Variants in ANK3 observed in about 807,000 individuals in gnomAD.
ANK3 encodes the protein ankyrin-3.
A neutral mutation model predicts 370.9 loss-of-function variants in ANK3; 57 were observed. That is an observed-to-expected ratio of 0.15 (90% CI 0.12 to 0.19). The LOEUF (loss-of-function observed/expected upper bound fraction) is 0.19, where lower values mean the gene tolerates loss of function less well. Ranked by LOEUF, ANK3 falls within the 10% of genes least tolerant of loss-of-function variation. The pLI is 1.00. For missense variants in ANK3, 4,439 were observed against 5,302.1 expected, an observed-to-expected ratio of 0.84 and a Z score of 5.06; for synonymous variants, 1,929 against 1,946.3, an observed-to-expected ratio of 0.99 and a Z score of 0.23.
At chr10:60,045,988 G>A (rs1226553049) in intron 42 of ANK3, among the ~76,000 whole-genome samples, 1 of 151,982 alleles carries the variant, frequency 6.6e-6, no homozygotes, top group Non-Finnish European at 1.5e-5. Flanking sequence ...ATGACAATGG[G>A]CGGGACATTT....
In ANK3 at chr10:60,074,214, C is replaced by T. The variant is rs761206620; in HGVS notation, c.6667G>A (p.Ala2223Thr). The T allele has an allele frequency of 1.3e-5, 21 of 1,614,014 alleles. No homozygotes were observed. The highest frequency in any genetic ancestry group is 9.9e-5 in the South Asian group (9 of 91,090). Residue 2223 changes from alanine to threonine, a missense_variant, in exon 37 of 44, where the codon GCC (alanine) becomes ACC (threonine). By Grantham distance (58) the Ala-to-Thr change is moderately conservative. Transcript: ENST00000280772. The part of the protein sequence containing the change: ...KEKVKAFQMK[A>T]SSEEDDHNRV... ...TTGTGGTCATCTTCTTCACTACTGG[C>T]TTTCATTTGAAATGCTTTAACCTTT...
chr10:60,110,911 G>A (rs12049756), intron 26 of ANK3, among the ~76,000 whole-genome samples: 29,454 of 152,124 alleles, frequency 0.19, 3,353 homozygotes, highest in East Asian at 0.52. Context: ...AGAGGGGAAT[G>A]TTTGCCCTGG....
chr10:60,178,914 AAAAGGGGGGTGGGGTAT>A (rs1163923985), intron 18 of ANK3, among the ~76,000 whole-genome samples: 1 of 151,358 alleles, frequency 6.6e-6, no homozygotes, highest in African/African-American at 2.4e-5. Flanking sequence ...CTTCAAATGC[AAAAGGGGGGTGGGGTAT>A]AAAGGGTCAG....
chr10:60,591,311 A>ATTTG (rs780246839), intron 2 of ANK3, among the ~76,000 whole-genome samples: 1 of 43,970 alleles, frequency 2.3e-5, no homozygotes, highest in Non-Finnish European at 6.0e-5. Flanking sequence ...TATTTTATTT[A>ATTTG]TTTATTTATT....
chr10:60,399,817 G>A (rs1047217836), intron 2 of ANK3, among the ~76,000 whole-genome samples: 5 of 152,262 alleles, frequency 3.3e-5, no homozygotes, highest in Admixed American at 6.5e-5. Flanking sequence ...TGGTGATATC[G>A]CAACACTTTG....
At chr10:60,649,314 A>AT (rs1588971203) in intron 1 of ANK3, among the ~76,000 whole-genome samples, 1 of 151,874 alleles carries the variant, frequency 6.6e-6, no homozygotes, top group Non-Finnish European at 1.5e-5. Flanking sequence ...ATCAAAAAAA[A>AT]ATACTTTTTA....
At position 60,592,133 on chromosome 10, in the gene ANK3, T is replaced by A. The variant is rs190689547; in HGVS notation, c.96+23053A>T. Among the ~76,000 whole-genome samples, 613 of 152,330 alleles carry A rather than the reference T, an allele frequency of 4.0e-3. 5 individuals are homozygous for A. The highest frequency in any genetic ancestry group is 0.014 in the African/African-American group (562 of 41,566). ...GCTTGAGGGGATGGATACACCATTC[T>A]CCATGATGGGCTTATTTCACATTGA... On this transcript the variant is annotated intron_variant, in intron 2 of 43. Transcript: ENST00000373827.
At chr10:60,254,310 C>T (rs1317179016) in intron 7 of ANK3, among the ~76,000 whole-genome samples, 3 of 151,636 alleles carry the variant, frequency 2.0e-5, no homozygotes, top group South Asian at 2.1e-4. Flanking sequence ...TGTGGAGAGC[C>T]GTTAGTATTT....
intron 11 of ANK3, among the ~76,000 whole-genome samples, chr10:60,203,305 T>C (rs7078609): frequency 0.2 from 29,883 of 152,150 alleles, 3,203 homozygotes; most frequent in African/African-American, 0.27. Context: ...GCAAATTCTG[T>C]TACTATGAAA....
In ANK3 at chr10:60,466,757, A is replaced by G. The variant is rs918321285; in HGVS notation, c.96+148429T>C. ...AAAGAATGAAATACTGATGCATGCTACAACATAGATGAACCTTGAAAACAT... is the reference window on the plus strand; with the variant it reads ...AAAGAATGAAATACTGATGCATGCTGCAACATAGATGAACCTTGAAAACAT... On this transcript the variant is annotated intron_variant, in intron 2 of 43. Coordinates refer to the ANK3 transcript ENST00000373827. 5.9e-5 allele frequency among the ~76,000 whole-genome samples: 9 copies of G among 152,334 alleles called. No individual in the cohort carries two copies. In the South Asian group the frequency reaches 6.2e-4, roughly 11 times the overall value.
At chr10:60,065,660 G>C (rs982916969) in intron 38 of ANK3, among the ~76,000 whole-genome samples, 3 of 152,182 alleles carry the variant, frequency 2.0e-5, no homozygotes, top group Admixed American at 1.3e-4. Flanking sequence ...AACAACTGTT[G>C]TGATCATGGC....
At chr10:60,495,981 CT>C (rs68150962) in intron 2 of ANK3, among the ~76,000 whole-genome samples, 19,499 of 147,512 alleles carry the variant, frequency 0.13, 1,451 homozygotes, top group African/African-American at 0.21. Flanking sequence ...TTTCATTTTT[CT>C]TTTTTTTTTT....
At chr10:60,054,745 T>C (rs986007679) in intron 42 of ANK3, among the ~76,000 whole-genome samples, 7 of 152,150 alleles carry the variant, frequency 4.6e-5, no homozygotes, top group African/African-American at 1.7e-4. Flanking sequence ...CCCAAAACAC[T>C]AAAGTGGGTC....
At chr10:60,060,050 T>TACATCAA (rs779019840) in intron 40 of ANK3, 35 of 1,445,576 alleles carry the variant, frequency 2.4e-5, no homozygotes, top group Non-Finnish European at 2.9e-5. Flanking sequence ...TGAATTAGAA[T>TACATCAA]ACATCAAACA....
rs200194900 is a variant in ANK3 at position 60,196,207 on chromosome 10, C to T, written c.1825G>A (p.Asp609Asn). The change falls in exon 16 of 44, where the codon GAT (aspartate) becomes AAT (asparagine). Residue 609 changes from aspartate (D) to asparagine (N), a missense_variant. By Grantham distance (23) the Asp-to-Asn change is conservative. Transcript: ENST00000280772. ...LTPLHVAAHYDNQKVALLLLD... is the reference protein window; with the variant it reads ...LTPLHVAAHYNNQKVALLLLD... The stretch of plus-strand genomic sequence containing the variant: ...AGCAGAAGGGCCACTTTCTGATTAT[C>T]GTAATGTGCAGCTACATGCAGTGGT... The T allele has an allele frequency of 2.2e-5, 35 of 1,613,808 alleles. No homozygotes were observed. The highest frequency in any genetic ancestry group is 5.5e-5 in the South Asian group (5 of 91,070).
chr10:60,091,687 T>C (rs969603373), intron 28 of ANK3, among the ~76,000 whole-genome samples: 2 of 151,842 alleles, frequency 1.3e-5, no homozygotes, highest in Admixed American at 1.3e-4. Context: ...TGCACAGCAA[T>C]GTGCACAGGA....
Position 60,069,501 on chromosome 10 carries a change from A to C in ANK3, c.11380T>G (p.Ser3794Ala), listed in dbSNP as rs999736820. 1.9e-6 allele frequency: 3 copies of C among 1,613,782 alleles called. No individual in the cohort carries two copies. The highest frequency in any genetic ancestry group is 2.7e-5 in the African/African-American group (2 of 74,900). The change falls in exon 37 of 44, where the codon TCT (serine) becomes GCT (alanine). Residue 3794 changes from serine (S) to alanine (A), a missense_variant. Ser to Ala is a moderately conservative substitution (Grantham distance 99). Transcript: ENST00000280772. The part of the protein sequence containing the change: ...DNFNNNNNLD[S>A]STIQTDNIMS... ...ATGTTATCTGTCTGTATAGTGGAAG[A>C]ATCCAAATTGTTGTTGTTATTAAAG...
intron 2 of ANK3, among the ~76,000 whole-genome samples, chr10:60,587,120 A>G (rs1428803910): frequency 6.6e-6 from 1 of 152,288 alleles, no homozygotes; most frequent in Non-Finnish European, 1.5e-5. Flanking sequence ...CATGGCAGCA[A>G]GAGAGAGAAG....
chr10:60,564,144 C>A (rs898401439), intron 2 of ANK3, among the ~76,000 whole-genome samples: 8 of 151,948 alleles, frequency 5.3e-5, no homozygotes, highest in African/African-American at 9.7e-5. Context: ...TTTTGAATGC[C>A]TACTGACTAT....
Sources: allele counts gnomAD v4.1 joint callset (sites outside exome capture counted in the v4.1 genomes callset), GRCh38; gene constraint gnomAD v4.1.1; transcripts MANE v1.5; gene names NCBI Gene and HGNC (gene_info 2026-07-23, HGNC 2026-07-21).